The following BBOX1 variants were observed in gnomAD, a reference collection of about 807,000 sequenced individuals.
BBOX1 encodes gamma-butyrobetaine hydroxylase 1.
BBOX1 carries 35 observed loss-of-function variants against 41.6 expected under a neutral mutation model. The ratio of observed to expected loss-of-function variants is 0.84; its 90% CI spans 0.64 to 1.11. BBOX1 has a LOEUF of 1.11. Ranked by LOEUF, BBOX1 falls within the 50% of genes most tolerant of loss-of-function variation. The pLI, the probability that BBOX1 is intolerant of heterozygous loss-of-function variation, is 0.00. For synonymous variants in BBOX1, 163 were observed against 154.7 expected, an observed-to-expected ratio of 1.05 and a Z score of -0.40; for missense variants, 458 against 460.6, an observed-to-expected ratio of 0.99 and a Z score of 0.05.
At chr11:27,094,336 G>C (rs908374195) in intron 5 of BBOX1, among the ~76,000 whole-genome samples, 5 of 151,882 alleles carry the variant, frequency 3.3e-5, no homozygotes, top group African/African-American at 1.2e-4. Flanking sequence ...ATAGAGTAGA[G>C]AGCATTGAAA....
intron 4 of BBOX1, among the ~76,000 whole-genome samples, chr11:27,081,572 G>T (rs867691541): frequency 1.3e-5 from 2 of 152,094 alleles, no homozygotes; most frequent in African/African-American, 4.8e-5. Context: ...TATATACATA[G>T]TAATGGGATT....
chr11:27,083,925 CAGG>C (rs970430885), intron 4 of BBOX1, among the ~76,000 whole-genome samples: 4 of 152,106 alleles, frequency 2.6e-5, no homozygotes, highest in Non-Finnish European at 2.9e-5. Flanking sequence ...TTAGCAGTTG[CAGG>C]AGATTTCCAG....
At chr11:27,071,239 A>G (rs980621034) in intron 4 of BBOX1, among the ~76,000 whole-genome samples, 8 of 151,956 alleles carry the variant, frequency 5.3e-5, no homozygotes, top group Non-Finnish European at 5.9e-5. Flanking sequence ...AAAATTAGCC[A>G]GGCATGGTGG....
intron 4 of BBOX1, among the ~76,000 whole-genome samples, chr11:27,067,122 CATT>C (rs1857312277): frequency 6.6e-6 from 1 of 152,114 alleles, no homozygotes; most frequent in African/African-American, 2.4e-5. Flanking sequence ...CATATCAACT[CATT>C]ATTTTTTTCA....
intron 4 of BBOX1, among the ~76,000 whole-genome samples, chr11:27,079,625 C>T (rs575770465): frequency 6.6e-6 from 1 of 152,034 alleles, no homozygotes; most frequent in Non-Finnish European, 1.5e-5. Context: ...ATAGGAGATT[C>T]TAGCCCAGAA....
At chr11:27,109,801 A>G (rs1858992389) in intron 5 of BBOX1, among the ~76,000 whole-genome samples, 1 of 151,954 alleles carries the variant, frequency 6.6e-6, no homozygotes. Flanking sequence ...TGTAGTACAT[A>G]GTGTATGGGG....
intron 5 of BBOX1, among the ~76,000 whole-genome samples, chr11:27,113,582 T>C (rs541002056): frequency 6.6e-6 from 1 of 151,962 alleles, no homozygotes; most frequent in South Asian, 2.1e-4. Context: ...ATGTTTTCAC[T>C]TACAAGTGAG....
intron 5 of BBOX1, among the ~76,000 whole-genome samples, chr11:27,106,094 C>A (rs1052102468): frequency 6.6e-6 from 1 of 152,078 alleles, no homozygotes; most frequent in Non-Finnish European, 1.5e-5. Context: ...GAAGGAAGCA[C>A]TAAACATGGA....
chr11:27,122,069 A>G (rs982719710), intron 7 of BBOX1, among the ~76,000 whole-genome samples: 3 of 152,210 alleles, frequency 2.0e-5, no homozygotes, highest in African/African-American at 4.8e-5. Context: ...CTCAGTTAAC[A>G]GAGGGCCTCC....
chr11:27,121,540 C>A (rs1404240163), intron 7 of BBOX1, among the ~76,000 whole-genome samples: 3 of 152,070 alleles, frequency 2.0e-5, no homozygotes, highest in African/African-American at 7.2e-5. Context: ...ACATGAGTGG[C>A]TAGAGTGACA....
intron 5 of BBOX1, among the ~76,000 whole-genome samples, chr11:27,099,647 C>T (rs1858572552): frequency 1.3e-5 from 2 of 152,054 alleles, no homozygotes; most frequent in South Asian, 4.1e-4. Flanking sequence ...GACAGCTGCT[C>T]ATAGGATCAA....
chr11:27,059,330 A>T (rs1564956783), intron 4 of BBOX1, among the ~76,000 whole-genome samples: 1 of 152,218 alleles, frequency 6.6e-6, no homozygotes, highest in Admixed American at 6.5e-5. Flanking sequence ...ATTTCAGAGG[A>T]TGTATTATGT....
At chr11:27,120,364 C>T (rs1260445222) in intron 7 of BBOX1, among the ~76,000 whole-genome samples, 1 of 152,052 alleles carries the variant, frequency 6.6e-6, no homozygotes, top group African/African-American at 2.4e-5. Flanking sequence ...TGACTCAATC[C>T]CTAATTTCTG....
At chr11:27,079,889 G>C (rs1263738463) in intron 4 of BBOX1, among the ~76,000 whole-genome samples, 1 of 152,020 alleles carries the variant, frequency 6.6e-6, no homozygotes, top group East Asian at 1.9e-4. Context: ...CAACTTATTA[G>C]AAAGTTATAT....
chr11:27,040,905 T>A lies in BBOX1; in HGVS notation c.-425T>A, dbSNP rs563800651. 2.0e-4 allele frequency: 31 copies of A among 152,358 alleles called. No homozygotes were observed. Among genetic ancestry groups the A allele is most frequent in the African/African-American group, 6.3e-4 (26 of 41,584 alleles). The allele number at this position is 152,358 out of a possible 1,614,324, so 9.4% of individuals were successfully genotyped here. A position where few individuals can be genotyped will look rare whatever the true frequency, so the allele number is the denominator to read the frequency against. ...CCTCCCTGTTAAATGCCCATCTCAATGCCTCTGCCCTAAGTGAGTTGTGCA... is the reference window on the plus strand; with the variant it reads ...CCTCCCTGTTAAATGCCCATCTCAAAGCCTCTGCCCTAAGTGAGTTGTGCA... On this transcript the variant is annotated 5_prime_UTR_variant, in exon 1 of 9. The change abolishes an upstream ATG in the 5' untranslated region. Transcript: ENST00000263182.
At chr11:27,101,046 C>A (rs546364791) in intron 5 of BBOX1, among the ~76,000 whole-genome samples, 1 of 151,898 alleles carries the variant, frequency 6.6e-6, no homozygotes, top group East Asian at 1.9e-4. Flanking sequence ...ACCCATTATC[C>A]CCCAAAAAAA....
chr11:27,059,598 G>C (rs559163031), intron 4 of BBOX1, among the ~76,000 whole-genome samples: 3 of 152,268 alleles, frequency 2.0e-5, no homozygotes, highest in Non-Finnish European at 4.4e-5. Context: ...GCATGGAAAA[G>C]CCACAGGCAC....
intron 5 of BBOX1, among the ~76,000 whole-genome samples, chr11:27,113,043 T>A (rs1332007337): frequency 6.6e-6 from 1 of 151,958 alleles, no homozygotes; most frequent in African/African-American, 2.4e-5. Flanking sequence ...CCAACAAGCA[T>A]ATGAAAAAGT....
At chr11:27,114,369 T>C (rs1859183921) in intron 5 of BBOX1, among the ~76,000 whole-genome samples, 1 of 151,892 alleles carries the variant, frequency 6.6e-6, no homozygotes, top group African/African-American at 2.4e-5. Flanking sequence ...CAGTATCATT[T>C]TCTTGTTTTA....
Sources: allele counts gnomAD v4.1 joint callset (sites outside exome capture counted in the v4.1 genomes callset), GRCh38; gene constraint gnomAD v4.1.1; transcripts MANE v1.5; gene names NCBI Gene and HGNC (gene_info 2026-07-23, HGNC 2026-07-21).